Variants in UNC13C observed in about 807,000 individuals in gnomAD.
UNC13C encodes the protein unc-13 homolog C.
UNC13C carries 174 observed loss-of-function variants against 245.4 expected under a neutral mutation model. The ratio of observed to expected loss-of-function variants is 0.71; its 90% CI spans 0.63 to 0.80. UNC13C has a LOEUF of 0.80. Ranked by LOEUF, UNC13C falls within the 30% of genes least tolerant of loss-of-function variation. The pLI, the probability that UNC13C is intolerant of heterozygous loss-of-function variation, is 0.00. For synonymous variants in UNC13C, 992 were observed against 895.1 expected, an observed-to-expected ratio of 1.11 and a Z score of -1.93; for missense variants, 2,829 against 2,602.9, an observed-to-expected ratio of 1.09 and a Z score of -1.89.
chr15:54,338,659 A>G (rs1008926369), intron 17 of UNC13C, among the ~76,000 whole-genome samples, 170 bp downstream of exon 17: 11 of 152,340 alleles, frequency 7.2e-5, no homozygotes, highest in African/African-American at 2.6e-4. Flanking sequence ...TTTCACATAC[A>G]TGAACTAATT....
intron 26 of UNC13C, among the ~76,000 whole-genome samples, chr15:54,534,196 C>T (rs1222336924): frequency 2.0e-5 from 3 of 152,134 alleles, no homozygotes; most frequent in African/African-American, 4.8e-5. Context: ...AGACCAGGAA[C>T]ACCTTCGCCC....
chr15:54,522,296 C>A (rs1222957174), intron 24 of UNC13C, among the ~76,000 whole-genome samples: 2 of 151,020 alleles, frequency 1.3e-5, no homozygotes, highest in East Asian at 2.0e-4. Flanking sequence ...CATGGTGAAA[C>A]CCCATCTCTA....
chr15:54,040,745 G>T (rs1172619753), intron 2 of UNC13C, among the ~76,000 whole-genome samples: 5 of 152,168 alleles, frequency 3.3e-5, no homozygotes. Context: ...GTGTGTAGAG[G>T]TGAGCACCCA....
At chr15:54,295,765 C>T (rs896464997) in intron 11 of UNC13C, among the ~76,000 whole-genome samples, 1 of 151,890 alleles carries the variant, frequency 6.6e-6, no homozygotes, top group African/African-American at 2.4e-5. Context: ...AGCCATCTAG[C>T]TCTTATGCTG....
chr15:54,458,899 A>G (rs528773434), intron 19 of UNC13C, among the ~76,000 whole-genome samples: 2 of 151,842 alleles, frequency 1.3e-5, no homozygotes, highest in South Asian at 2.1e-4. Flanking sequence ...TTTATATTCA[A>G]TGTTAGTATT....
chr15:54,298,145 T>A (rs2037484439), intron 12 of UNC13C, among the ~76,000 whole-genome samples: 1 of 152,104 alleles, frequency 6.6e-6, no homozygotes, highest in Non-Finnish European at 1.5e-5. Flanking sequence ...AACAAGCCTG[T>A]GAGGCAGGTG....
intron 2 of UNC13C, among the ~76,000 whole-genome samples, chr15:54,018,266 C>T (rs1036792295): frequency 5.3e-5 from 8 of 152,156 alleles, no homozygotes; most frequent in African/African-American, 9.7e-5. Flanking sequence ...TCCATGGCTA[C>T]GTAGTTATCA....
chr15:53,952,527 C>G, the UNC13C span, among the ~76,000 whole-genome samples: 11 of 152,292 alleles, frequency 7.2e-5, no homozygotes, highest in African/African-American at 2.6e-4. Flanking sequence ...AAATAGTTCT[C>G]AAATTTTGAT....
chr15:54,020,750 A>G (rs1398871735), intron 2 of UNC13C, among the ~76,000 whole-genome samples: 1 of 152,226 alleles, frequency 6.6e-6, no homozygotes, highest in Non-Finnish European at 1.5e-5. Context: ...AATCATCTGT[A>G]TCAAAAGTCC....
chr15:54,384,499 A>C (rs1165794170), intron 17 of UNC13C, among the ~76,000 whole-genome samples: 1 of 152,116 alleles, frequency 6.6e-6, no homozygotes, highest in African/African-American at 2.4e-5. Flanking sequence ...CCGTATACAA[A>C]AGGCAACTCA....
Position 54,627,486 on chromosome 15 carries a change from C to CA in UNC13C, c.*375dup, listed in dbSNP as rs1411634528. The CA allele has an allele frequency of 6.2e-6, 1 of 162,360 alleles. No individual in the cohort carries two copies. Among genetic ancestry groups the CA allele is most frequent in the Non-Finnish European group, 1.3e-5 (1 of 74,114 alleles). 10.1% of individuals were successfully genotyped at this position (162,360 alleles called of 1,614,324 possible). A position where few individuals can be genotyped will look rare whatever the true frequency, so the allele number is the denominator to read the frequency against. On this transcript the variant is annotated 3_prime_UTR_variant, in exon 33 of 33. Coordinates refer to ENST00000260323, the MANE Select transcript of UNC13C (RefSeq NM_001080534.3). ...CATAGATCAGAAAACATTTATTACT[C>CA]AATTTCCATTTTATTTACTTACCTC... is the stretch of plus-strand genomic sequence containing the variant.
intron 30 of UNC13C, among the ~76,000 whole-genome samples, chr15:54,602,541 C>T (rs1433339798): frequency 6.6e-6 from 1 of 152,092 alleles, no homozygotes; most frequent in Non-Finnish European, 1.5e-5. Context: ...AAAGCATGAG[C>T]ATATTTTAGA....
chr15:54,573,671 G>A (rs951111232), intron 30 of UNC13C, among the ~76,000 whole-genome samples: 5 of 152,268 alleles, frequency 3.3e-5, no homozygotes, highest in Middle Eastern at 3.4e-3. Context: ...TCTCAAGTAG[G>A]GGTGGTTTTC....
chr15:54,466,196 A>G (rs1892157292), intron 19 of UNC13C, among the ~76,000 whole-genome samples: 1 of 151,898 alleles, frequency 6.6e-6, no homozygotes, highest in Non-Finnish European at 1.5e-5. Flanking sequence ...AAAGGTGGGG[A>G]AAGAGAGGTT....
At chr15:54,486,528 T>A (rs1435393889) in intron 19 of UNC13C, among the ~76,000 whole-genome samples, 1 of 152,144 alleles carries the variant, frequency 6.6e-6, no homozygotes, top group Non-Finnish European at 1.5e-5. Flanking sequence ...ATATGTTGTA[T>A]AAAGGAATGA....
chr15:54,202,665 C>G (rs1202205318), intron 4 of UNC13C, among the ~76,000 whole-genome samples: 1 of 151,902 alleles, frequency 6.6e-6, no homozygotes, highest in African/African-American at 2.4e-5. Flanking sequence ...TGAGAATGAA[C>G]TGAAGATGGA....
At position 54,486,185 on chromosome 15, in the gene UNC13C, G is replaced by A. The variant is rs143612371; in HGVS notation, c.4934-8423G>A. 1.3e-4 allele frequency among the ~76,000 whole-genome samples: 20 copies of A among 151,296 alleles called. No individual in the cohort carries two copies. The East Asian group carries it at 3.3e-3, about 25-fold the overall frequency. ...AGCACTTTGGGAAGCTGAGGTGGCC[G>A]CATCACTTGAGGTTAGGAGTTTGAG... On this transcript the variant is annotated intron_variant, in intron 19 of 32. Coordinates refer to ENST00000260323, the MANE Select transcript of UNC13C (RefSeq NM_001080534.3).
chr15:54,584,009 C>A (rs78188070), intron 30 of UNC13C, among the ~76,000 whole-genome samples: 17,590 of 152,210 alleles, frequency 0.12, 1,294 homozygotes, highest in Middle Eastern at 0.19. Context: ...GGGCTCCTGC[C>A]GCTCTCTGGA....
At position 54,425,909 on chromosome 15, in the gene UNC13C, T is replaced by A. The variant is rs75132145; in HGVS notation, c.4933+10842T>A. On this transcript the variant is annotated intron_variant, in intron 19 of 32. Coordinates refer to ENST00000260323, the MANE Select transcript of UNC13C (RefSeq NM_001080534.3). ...AGACAGCCTTTCTTTCTGGAGACTC[T>A]AGGAGAGAATCCATTTTCCTTTCTC... Among the ~76,000 whole-genome samples the A allele has an allele frequency of 3.7e-3, 564 of 151,934 alleles. 3 individuals carry two copies. The highest frequency in any genetic ancestry group is 6.0e-3 in the South Asian group (29 of 4,828).
Sources: gnomAD v4.1 joint callset for allele counts (sites outside exome capture counted in the v4.1 genomes callset) on GRCh38, gnomAD v4.1.1 for gene constraint, MANE v1.5 for transcripts, NCBI Gene and HGNC (gene_info 2026-07-23, HGNC 2026-07-21) for gene names.